The following RPS6 variants were observed in gnomAD, a reference collection of about 807,000 sequenced individuals.
RPS6 encodes small ribosomal subunit protein eS6.
A neutral mutation model predicts 27.1 loss-of-function variants in RPS6; 1 was observed. The ratio of observed to expected loss-of-function variants is 0.04; its 90% CI spans 0.01 to 0.18. The LOEUF (loss-of-function observed/expected upper bound fraction) is 0.18. RPS6 is among the 10% of genes least tolerant of loss of function. RPS6 has a pLI of 1.00. For synonymous variants in RPS6, 152 were observed against 106.0 expected (o/e 1.43, Z -2.66); for missense variants, 259 against 319.1 (o/e 0.81, Z 1.44).
chr9:19,376,103 G>T lies in RPS6; in HGVS notation c.*190C>A. ...CACCCATCCCCTGAAAGGAACCCCTGTACACTGACCTTGTCTTCCACTACC... is the reference window on the plus strand; with the variant it reads ...CACCCATCCCCTGAAAGGAACCCCTTTACACTGACCTTGTCTTCCACTACC... On this transcript the variant is annotated 3_prime_UTR_variant, in exon 6 of 6. Coordinates refer to ENST00000380394, the MANE Select transcript of RPS6 (RefSeq NM_001010.3). 1 of 563,350 alleles carries T rather than the reference G, an allele frequency of 1.8e-6. No homozygotes were observed. Among genetic ancestry groups the T allele is most frequent in the Non-Finnish European group, 3.1e-6 (1 of 321,774 alleles). The allele number at this position is 563,350 out of a possible 1,614,324, so 34.9% of individuals were successfully genotyped here. A position where few individuals can be genotyped will look rare whatever the true frequency, so the allele number is the denominator to read the frequency against.
At chr9:19,378,660 C>G (rs372264336) in intron 3 of RPS6, 48 bp downstream of exon 3, 17 of 1,602,194 alleles carry the variant, frequency 1.1e-5, no homozygotes, top group Middle Eastern at 1.7e-4. Context: ...ATTTGGACAA[C>G]TGGCTTTAAA....
chr9:19,377,579 A>C (rs1420056609), intron 4 of RPS6, among the ~76,000 whole-genome samples: 1 of 152,184 alleles, frequency 6.6e-6, no homozygotes, highest in South Asian at 2.1e-4. Context: ...AAATTCTTTC[A>C]AATTTTGTCA....
intron 2 of RPS6, 60 bp from the exon 3 acceptor site, chr9:19,378,978 A>G (rs1212457234): frequency 6.6e-7 from 1 of 1,512,386 alleles, no homozygotes; most frequent in Non-Finnish European, 9.1e-7. Flanking sequence ...TATACAGTAC[A>G]GGATTGTGAC....
At chr9:19,378,580 T>C in intron 3 of RPS6, 66 bp from the exon 4 acceptor site, 1 of 1,593,004 alleles carries the variant, frequency 6.3e-7, no homozygotes, top group South Asian at 1.1e-5. Flanking sequence ...ATCAGAATGT[T>C]TAATGTTGAA....
chr9:19,379,354 A>C, intron 2 of RPS6, 133 bp downstream of exon 2: 1 of 1,547,842 alleles, frequency 6.5e-7, no homozygotes, highest in African/African-American at 1.4e-5. Flanking sequence ...TAACTTTATA[A>C]AGTGGCATTC....
intron 2 of RPS6, chr9:19,379,180 G>A (rs761885581): frequency 2.2e-6 from 2 of 913,908 alleles, no homozygotes; most frequent in Non-Finnish European, 3.2e-6. Context: ...ATATCAAACA[G>A]CAACAAACAA....
At position 19,378,823 on chromosome 9, in the gene RPS6, A is replaced by G. The variant is rs1165004852; in HGVS notation, c.234T>C (p.Ser78=). ...TTGGTCTGTAACAGGAATGCCCCTT[A>G]CTCAGTAGCAGGCGGACACGGCCAT... ...LTHGRVRLLL[S]KGHSCYRPRR... is the part of the protein sequence containing the mutation. Residue 78 remains serine (S), a synonymous_variant, in exon 3 of 6, where the codon AGT becomes AGC. Coordinates refer to ENST00000380394, the MANE Select transcript of RPS6 (RefSeq NM_001010.3). The G allele has an allele frequency of 6.2e-7, 1 of 1,614,140 alleles. No individual in the cohort carries two copies. Among genetic ancestry groups the G allele is most frequent in the Admixed American group, 1.7e-5 (1 of 60,016 alleles).
intron 1 of RPS6, chr9:19,379,851 C>G: frequency 7.0e-7 from 1 of 1,424,126 alleles, no homozygotes; most frequent in East Asian, 2.5e-5. Context: ...ACTCTGGGGG[C>G]GAGGGCACTC....
intron 5 of RPS6, 43 bp from the exon 6 acceptor site, chr9:19,376,431 T>C (rs185997906): frequency 7.4e-6 from 12 of 1,612,904 alleles, no homozygotes; most frequent in Non-Finnish European, 9.3e-6. Flanking sequence ...CTTTCTGGGT[T>C]AAAGACGCAA....
intron 3 of RPS6, 97 bp from the exon 4 acceptor site, chr9:19,378,611 C>A: frequency 6.4e-7 from 1 of 1,572,720 alleles, no homozygotes; most frequent in South Asian, 1.1e-5. Context: ...AGAAACAAAT[C>A]CATTGGTCTG....
intron 2 of RPS6, 104 bp downstream of exon 2, chr9:19,379,383 G>T (rs776940906): frequency 6.4e-7 from 1 of 1,562,456 alleles, no homozygotes; most frequent in South Asian, 1.2e-5. Context: ...CTTACCAAAG[G>T]TCAGAAGCCA....
Position 19,376,350 on chromosome 9 carries a change from T to C in RPS6, c.693A>G (p.Arg231=). The C allele has an allele frequency of 6.2e-7, 1 of 1,614,148 alleles. No homozygotes were observed. The highest frequency in any genetic ancestry group is 1.1e-5 in the South Asian group (1 of 91,084). ...AAGCTCGCAGAGAGGAAAGTCTGCGTCTCTTCGCAATTTGTTCCTGGCGCT... is the reference window on the plus strand; with the variant it reads ...AAGCTCGCAGAGAGGAAAGTCTGCGCCTCTTCGCAATTTGTTCCTGGCGCT... ...KEKRQEQIAK[R]RRLSSLRAST... Residue 231 remains arginine (R), a synonymous_variant, in exon 6 of 6, where the codon AGA becomes AGG. Coordinates refer to ENST00000380394, the MANE Select transcript of RPS6 (RefSeq NM_001010.3).
chr9:19,376,731 C>T (rs562721706), intron 4 of RPS6, 80 bp from the exon 5 acceptor site: 8 of 1,406,312 alleles, frequency 5.7e-6, no homozygotes, highest in African/African-American at 2.9e-5. Context: ...CAGAAATAAA[C>T]GTAAGCTTAA....
chr9:19,375,917 CA>C lies in RPS6; in HGVS notation c.*375del, dbSNP rs1382334052. Reference sequence around the variant, plus strand: ...TTTAAAAAAGACATGTTCATCTTCACAAGGTCAATTTTCATGTATTAAATTG... The same window carrying C: ...TTTAAAAAAGACATGTTCATCTTCACAGGTCAATTTTCATGTATTAAATTG... On this transcript the variant is annotated 3_prime_UTR_variant, in exon 6 of 6. Coordinates refer to ENST00000380394, the MANE Select transcript of RPS6 (RefSeq NM_001010.3). 4 of 155,908 alleles carry C rather than the reference CA, an allele frequency of 2.6e-5. No homozygotes were observed. The highest frequency in any genetic ancestry group is 5.7e-5 in the Non-Finnish European group (4 of 70,600). The allele number at this position is 155,908 out of a possible 1,614,324, so 9.7% of individuals were successfully genotyped here. A position where few individuals can be genotyped will look rare whatever the true frequency, so the allele number is the denominator to read the frequency against.
At chr9:19,379,967 G>C in intron 1 of RPS6, 1 of 1,440,906 alleles carries the variant, frequency 6.9e-7, no homozygotes, top group Non-Finnish European at 9.1e-7. Context: ...TGGGCGCGGG[G>C]ACGCCACCAT....
At chr9:19,378,341 A>C (rs1829623580) in intron 4 of RPS6, 27 bp downstream of exon 4, 1 of 1,606,580 alleles carries the variant, frequency 6.2e-7, no homozygotes, top group Non-Finnish European at 8.5e-7. Flanking sequence ...AAAATTAAGC[A>C]AGCCCTAATT....
At position 19,378,257 on chromosome 9, in the gene RPS6, G is replaced by A. The variant is rs1829622385; in HGVS notation, c.496+111C>T. On this transcript the variant is annotated intron_variant, in intron 4 of 5. Transcript: ENST00000380394. Reference sequence around the variant, plus strand: ...CAAATATTTTCTGTAAAAACTCCAAGTGAATAGTGCTAAGGCCTTCCAAAG... The same window carrying A: ...CAAATATTTTCTGTAAAAACTCCAAATGAATAGTGCTAAGGCCTTCCAAAG... The A allele has an allele frequency of 3.8e-6, 4 of 1,057,822 alleles. No homozygotes were observed. In the East Asian group the frequency reaches 7.3e-5, roughly 19 times the overall value. The allele number at this position is 1,057,822 out of a possible 1,614,324, so 65.5% of individuals were successfully genotyped here. A position where few individuals can be genotyped will look rare whatever the true frequency, so the allele number is the denominator to read the frequency against.
Position 19,376,237 on chromosome 9 carries a change from A to G in RPS6, c.*56T>C, listed in dbSNP as rs754802484. On this transcript the variant is annotated 3_prime_UTR_variant, in exon 6 of 6. Coordinates refer to ENST00000380394, the MANE Select transcript of RPS6 (RefSeq NM_001010.3). ...TCATTTATGTAGTTTTCTATCAGCAATGAAAAGTCAACAGAGATCAGAGTC... is the reference window on the plus strand; with the variant it reads ...TCATTTATGTAGTTTTCTATCAGCAGTGAAAAGTCAACAGAGATCAGAGTC... The G allele has an allele frequency of 3.9e-5, 56 of 1,429,902 alleles. No homozygotes were observed. Among genetic ancestry groups the G allele is most frequent in the Non-Finnish European group, 4.7e-5 (49 of 1,033,696 alleles). 88.6% of individuals were successfully genotyped at this position (1,429,902 alleles called of 1,614,324 possible). A position where few individuals can be genotyped will look rare whatever the true frequency, so the allele number is the denominator to read the frequency against.
At chr9:19,379,939 C>G (rs1053545453) in intron 1 of RPS6, 12 of 1,434,320 alleles carry the variant, frequency 8.4e-6, no homozygotes, top group Admixed American at 2.9e-5. Flanking sequence ...CTGGGCAACA[C>G]GCCGCATCCG....
Sources: gnomAD v4.1 joint callset for allele counts (sites outside exome capture counted in the v4.1 genomes callset) on GRCh38, gnomAD v4.1.1 for gene constraint, MANE v1.5 for transcripts, NCBI Gene and HGNC (gene_info 2026-07-23, HGNC 2026-07-21) for gene names.